Variants in AGO3 observed in about 807,000 individuals in gnomAD.
The protein encoded by AGO3 is argonaute RISC catalytic component 3.
Under a neutral mutation model 105.5 loss-of-function variants are expected in AGO3, and 16 were observed. The ratio of observed to expected loss-of-function variants is 0.15; its 90% CI spans 0.10 to 0.23. The LOEUF is 0.23. Among genes scored for constraint, AGO3 ranks in the 10% least tolerant of loss-of-function variants. The pLI, the probability that AGO3 is intolerant of heterozygous loss-of-function variation, is 1.00. For synonymous variants in AGO3, 340 were observed against 367.3 expected (o/e 0.93, Z 0.85); for missense variants, 534 against 1,088.0 (o/e 0.49, Z 7.16).
chr1:35,971,029 A>AAT lies in AGO3; in HGVS notation c.313-980_313-979dup, dbSNP rs538490559. Among the ~76,000 whole-genome samples the AAT allele has an allele frequency of 2.6e-3, 378 of 142,978 alleles. 6 individuals carry two copies. Among genetic ancestry groups the AAT allele is most frequent in the Middle Eastern group, 3.8e-3 (1 of 260 alleles). 93.8% of individuals were successfully genotyped at this position (142,978 alleles called of 152,430 possible). A position where few individuals can be genotyped will look rare whatever the true frequency, so the allele number is the denominator to read the frequency against. Reference sequence around the variant, plus strand: ...GGAGTAAGCCACCATACCCAGCCTAAATATATATATATATATTTTTTATTA... The same window carrying AAT: ...GGAGTAAGCCACCATACCCAGCCTAAATATATATATATATATATTTTTTATTA... On this transcript the variant is annotated intron_variant, in intron 3 of 18. Transcript: ENST00000373191.
chr1:36,030,631 C>T (rs928175209), intron 12 of AGO3, among the ~76,000 whole-genome samples: 9 of 151,850 alleles, frequency 5.9e-5, no homozygotes, highest in Non-Finnish European at 1.2e-4. Context: ...TGTATTAATA[C>T]GTTGCTGATG....
chr1:35,957,165 C>T (rs146982784), intron 2 of AGO3, among the ~76,000 whole-genome samples: 34 of 151,906 alleles, frequency 2.2e-4, no homozygotes, highest in African/African-American at 8.0e-4. Flanking sequence ...GCCTGGCCAA[C>T]ATGGTGAAAC....
At chr1:35,980,942 CCATGTGCT>C (rs1182782230) in intron 5 of AGO3, among the ~76,000 whole-genome samples, 1 of 152,128 alleles carries the variant, frequency 6.6e-6, no homozygotes, top group Non-Finnish European at 1.5e-5. Flanking sequence ...TATATTTTTA[CCATGTGCT>C]CATTGCATTT....
intron 5 of AGO3, among the ~76,000 whole-genome samples, chr1:36,002,102 CT>C (rs1168317169): frequency 1.3e-5 from 2 of 152,178 alleles, no homozygotes; most frequent in Non-Finnish European, 2.9e-5. Context: ...TCACTGCAAC[CT>C]TCGCCTCATG....
Position 36,008,135 on chromosome 1 carries a change from ACTATATTATACCT to A in AGO3, c.794-549_794-537del. On this transcript the variant is annotated intron_variant, in intron 6 of 18. Coordinates refer to ENST00000373191, the MANE Select transcript of AGO3 (RefSeq NM_024852.4). The surrounding 1 kb of genome is among the most constrained non-coding windows in gnomAD (Gnocchi z 5.1). Reference sequence around the variant, plus strand: ...AATAGTATTGGAAAAGAGCTGTGTCACTATATTATACCTCTATAAAAGTGTCACTTTGCTTCTG... The same window carrying A: ...AATAGTATTGGAAAAGAGCTGTGTCACTATAAAAGTGTCACTTTGCTTCTG... Among the ~76,000 whole-genome samples the A allele has an allele frequency of 2.6e-5, 4 of 152,338 alleles. No homozygotes were observed. The highest frequency in any genetic ancestry group is 2.6e-4 in the Admixed American group (4 of 15,294).
intron 6 of AGO3, chr1:36,005,978 A>T (rs1569739399): frequency 2.3e-6 from 2 of 857,870 alleles, no homozygotes; most frequent in South Asian, 1.1e-4. Context: ...AAAAATTTCA[A>T]CTTTTTGCTA....
At chr1:35,982,566 G>A (rs898429223) in intron 5 of AGO3, 4 of 703,056 alleles carry the variant, frequency 5.7e-6, no homozygotes, top group Non-Finnish European at 1.1e-5. Context: ...CTTTAGATAG[G>A]GATACTTCAA....
At chr1:36,031,917 G>T (rs939407435) in intron 12 of AGO3, among the ~76,000 whole-genome samples, 1 of 151,784 alleles carries the variant, frequency 6.6e-6, no homozygotes, top group Non-Finnish European at 1.5e-5. Flanking sequence ...GGGGGTGTGT[G>T]TGTGTGTGTA....
chr1:36,048,258 T>A (rs893824401), intron 17 of AGO3, among the ~76,000 whole-genome samples: 1 of 152,040 alleles, frequency 6.6e-6, no homozygotes, highest in Admixed American at 6.6e-5. Flanking sequence ...TACTCCAGCC[T>A]GGGCAACGGA....
chr1:35,984,392 A>G (rs1020107460), intron 5 of AGO3: 2 of 152,218 alleles, frequency 1.3e-5, no homozygotes, highest in African/African-American at 2.4e-5. Context: ...AGCTTTTTCA[A>G]TAAAATCAAG....
chr1:35,982,133 G>T (rs946348278), intron 5 of AGO3, among the ~76,000 whole-genome samples: 1 of 152,150 alleles, frequency 6.6e-6, no homozygotes, highest in Non-Finnish European at 1.5e-5. Flanking sequence ...AAATTATTAA[G>T]AAATAATTTC....
At position 35,973,438 on chromosome 1, in the gene AGO3, G is replaced by T; in HGVS notation, c.585G>T (p.Gly195=). 1 of 1,594,780 alleles carries T rather than the reference G, an allele frequency of 6.3e-7. No homozygotes were observed. Among genetic ancestry groups the T allele is most frequent in the Non-Finnish European group, 8.6e-7 (1 of 1,167,848 alleles). The change falls in exon 5 of 19, where the codon GGG becomes GGT. Residue 195 remains glycine (G), a synonymous_variant. Coordinates refer to ENST00000373191, the MANE Select transcript of AGO3 (RefSeq NM_024852.4). ...APEGYDHPLG[G]GREVWFGFHQ... Reference sequence around the variant, plus strand: ...AAGGATATGACCACCCTCTGGGAGGGGGCAGGGAAGTGTGGTTTGGATTCC... The same window carrying T: ...AAGGATATGACCACCCTCTGGGAGGTGGCAGGGAAGTGTGGTTTGGATTCC...
At chr1:36,001,403 C>T (rs1380875498) in intron 5 of AGO3, among the ~76,000 whole-genome samples, 1 of 152,118 alleles carries the variant, frequency 6.6e-6, no homozygotes, top group Non-Finnish European at 1.5e-5. Flanking sequence ...CCTCAGAGGA[C>T]ATGAAGTACA....
chr1:35,941,268 A>T (rs1557642065), intron 1 of AGO3, among the ~76,000 whole-genome samples: 1 of 152,050 alleles, frequency 6.6e-6, no homozygotes, highest in East Asian at 1.9e-4. Flanking sequence ...TTCCACATCC[A>T]CATCACTCCC....
rs551490821 is a variant in AGO3 at position 35,975,837 on chromosome 1, A to T, written c.658+2326A>T. Among the ~76,000 whole-genome samples, 3 of 152,284 alleles carry T rather than the reference A, an allele frequency of 2.0e-5. No homozygotes were observed. In the South Asian group the frequency reaches 6.2e-4, roughly 32 times the overall value. On this transcript the variant is annotated intron_variant, in intron 5 of 18. Coordinates refer to ENST00000373191, the MANE Select transcript of AGO3 (RefSeq NM_024852.4). ...ATTTAAGGTGTTGTCTTTTCTGTCA[A>T]AGAATATACTATGTCTTTCTATTTG...
At chr1:35,987,191 G>A (rs1481762717) in intron 5 of AGO3, among the ~76,000 whole-genome samples, 1 of 151,636 alleles carries the variant, frequency 6.6e-6, no homozygotes, top group East Asian at 1.9e-4. Flanking sequence ...AGCCAGACGT[G>A]GTGGCACGCA....
chr1:35,967,200 T>C, intron 3 of AGO3, 125 bp downstream of exon 3: 1 of 1,297,472 alleles, frequency 7.7e-7, no homozygotes, highest in Non-Finnish European at 1.0e-6. Flanking sequence ...TTTTTAACTT[T>C]TTGTTTTGAA....
At chr1:36,026,538 C>T (rs974566143) in intron 11 of AGO3, among the ~76,000 whole-genome samples, 9 of 152,178 alleles carry the variant, frequency 5.9e-5, no homozygotes, top group African/African-American at 2.2e-4. Flanking sequence ...ATCATTTGAA[C>T]TTTGGCCAAA....
At chr1:36,038,722 C>T (rs1286483264) in intron 14 of AGO3, among the ~76,000 whole-genome samples, 1 of 152,150 alleles carries the variant, frequency 6.6e-6, no homozygotes, top group Admixed American at 6.6e-5. Context: ...TTTGAGGTCT[C>T]TTCTCCAAAG....
Sources: allele counts gnomAD v4.1 joint callset (sites outside exome capture counted in the v4.1 genomes callset), GRCh38; gene constraint gnomAD v4.1.1; non-coding constraint Gnocchi (gnomAD v3.1); transcripts MANE v1.5; gene names NCBI Gene and HGNC (gene_info 2026-07-23, HGNC 2026-07-21).